The following MCC variants were observed in gnomAD, a reference collection of about 807,000 sequenced individuals.
The protein encoded by MCC is MCC regulator of Wnt signaling pathway.
MCC carries 90 observed loss-of-function variants against 116.2 expected under a neutral mutation model. The observed-to-expected ratio is 0.77, with a 90% CI of 0.65 to 0.92. The LOEUF is 0.92. Ranked by LOEUF, MCC falls within the 40% of genes least tolerant of loss-of-function variation. The pLI is 0.00. For missense variants in MCC, 1,516 were observed against 1,312.2 expected (o/e 1.16, Z -2.40); for synonymous variants, 578 against 510.5 (o/e 1.13, Z -1.78).
Position 113,196,691 on chromosome 5 carries a change from T to A in MCC, c.628-45269A>T, listed in dbSNP as rs550680986. On this transcript the variant is annotated intron_variant, in intron 3 of 18. Coordinates refer to ENST00000408903, the MANE Select transcript of MCC (RefSeq NM_001085377.2). ...GGTGAAACCCCATCTCTATTAAAAA[T>A]ACAAAAAATTAGCCGAGCGTGGTGG... 7.5e-3 allele frequency among the ~76,000 whole-genome samples: 1,139 copies of A among 152,090 alleles called. 18 individuals are homozygous for A. Among genetic ancestry groups the A allele is most frequent in the African/African-American group, 0.024 (1,005 of 41,476 alleles).
chr5:113,178,087 G>C (rs1048576918), intron 3 of MCC, among the ~76,000 whole-genome samples: 1 of 152,224 alleles, frequency 6.6e-6, no homozygotes, highest in African/African-American at 2.4e-5. Context: ...TTGCAAATCA[G>C]AACACATGCA....
At chr5:113,267,902 T>C (rs569384103) in intron 3 of MCC, among the ~76,000 whole-genome samples, 38 of 152,354 alleles carry the variant, frequency 2.5e-4, no homozygotes, top group African/African-American at 8.2e-4. Flanking sequence ...TGTATTTATA[T>C]GTCTTATAAA....
chr5:113,231,602 C>T (rs1362080441), intron 3 of MCC, among the ~76,000 whole-genome samples: 2 of 152,114 alleles, frequency 1.3e-5, no homozygotes, highest in African/African-American at 4.8e-5. Context: ...CTCATTAATC[C>T]TCTTTCCCCC....
At chr5:113,224,493 C>A (rs1485049777) in intron 3 of MCC, among the ~76,000 whole-genome samples, 1 of 152,206 alleles carries the variant, frequency 6.6e-6, no homozygotes, top group Non-Finnish European at 1.5e-5. Context: ...CTGTTTTCCT[C>A]ACAGGAACTG....
chr5:113,140,963 C>G (rs1240454379), intron 5 of MCC, among the ~76,000 whole-genome samples: 1 of 152,142 alleles, frequency 6.6e-6, no homozygotes, highest in African/African-American at 2.4e-5. Context: ...AATGTTAAAG[C>G]GTTGTTTCTA....
rs4397122 is a variant in MCC at position 113,088,296 on chromosome 5, T to C, written c.1399-2986A>G. On this transcript the variant is annotated intron_variant, in intron 8 of 18. Coordinates refer to ENST00000408903, the MANE Select transcript of MCC (RefSeq NM_001085377.2). ...ATTTACAGGAATAAATGCAAGAAAC[T>C]AAGGCTAAAGCCAATATGCTGAGTC... is the stretch of plus-strand genomic sequence containing the variant. Among the ~76,000 whole-genome samples the C allele has an allele frequency of 7.7e-3, 1,165 of 152,054 alleles. 16 individuals are homozygous for C. Among genetic ancestry groups the C allele is most frequent in the African/African-American group, 0.027 (1,101 of 41,462 alleles).
At chr5:113,080,080 A>G (rs1435832910) in intron 11 of MCC, among the ~76,000 whole-genome samples, 4 of 152,396 alleles carry the variant, frequency 2.6e-5, no homozygotes, top group African/African-American at 9.6e-5. Context: ...CATCAGAGAA[A>G]TGCAAATCAA....
chr5:113,129,794 C>G (rs1450438365), intron 5 of MCC, among the ~76,000 whole-genome samples: 2 of 152,230 alleles, frequency 1.3e-5, no homozygotes, highest in African/African-American at 4.8e-5. Flanking sequence ...GATACTATCT[C>G]ACACCAGTTA....
chr5:113,228,282 A>C (rs1763819310), intron 3 of MCC, among the ~76,000 whole-genome samples: 1 of 152,074 alleles, frequency 6.6e-6, no homozygotes, highest in Admixed American at 6.6e-5. Flanking sequence ...GTCCTGAGGG[A>C]CCCATGCTGT....
rs142081207 is a variant in MCC, at chr5:113,297,697, C to T, written c.627+42822G>A. Among the ~76,000 whole-genome samples the T allele has an allele frequency of 2.3e-4, 31 of 132,408 alleles. No individual in the cohort carries two copies. The South Asian group carries it at 4.1e-3, about 17-fold the overall frequency. The allele number at this position is 132,408 out of a possible 152,430, so 86.9% of individuals were successfully genotyped here. A position where few individuals can be genotyped will look rare whatever the true frequency, so the allele number is the denominator to read the frequency against. ...GAACCAGGAGGCAGATGTTGCAGTG[C>T]GTCAAGATCGTGCCACTGCACTCCA... On this transcript the variant is annotated intron_variant, in intron 3 of 18. Coordinates refer to ENST00000408903, the MANE Select transcript of MCC (RefSeq NM_001085377.2).
At chr5:113,092,857 G>A (rs1202947113) in intron 8 of MCC, among the ~76,000 whole-genome samples, 1 of 152,198 alleles carries the variant, frequency 6.6e-6, no homozygotes, top group Non-Finnish European at 1.5e-5. Context: ...CTGGACATGT[G>A]ATCCTGAGTA....
At chr5:113,270,154 G>A (rs1765558402) in intron 3 of MCC, among the ~76,000 whole-genome samples, 1 of 152,148 alleles carries the variant, frequency 6.6e-6, no homozygotes, top group African/African-American at 2.4e-5. Context: ...TTTGGACTAG[G>A]AAAAATGTTT....
intron 3 of MCC, among the ~76,000 whole-genome samples, chr5:113,327,561 A>AATATATATATAT (rs869214073): frequency 2.1e-4 from 17 of 80,558 alleles, no homozygotes; most frequent in African/African-American, 4.0e-4. Flanking sequence ...AAAAAAAAAA[A>AATATATATATAT]ATATATATAT....
At chr5:113,401,305 T>C (rs1318980000) in intron 1 of MCC, among the ~76,000 whole-genome samples, 1 of 152,216 alleles carries the variant, frequency 6.6e-6, no homozygotes, top group African/African-American at 2.4e-5. Context: ...CTGTGAATGA[T>C]AAACTTACAA....
intron 1 of MCC, among the ~76,000 whole-genome samples, chr5:113,414,143 G>T (rs1347199345): frequency 6.6e-6 from 1 of 152,188 alleles, no homozygotes. Context: ...GAGACAGTTT[G>T]TTGTGATTTC....
intron 8 of MCC, chr5:113,101,412 T>G: frequency 4.2e-6 from 1 of 240,808 alleles, no homozygotes; most frequent in Non-Finnish European, 8.0e-6. Context: ...CTAAAGACTA[T>G]TAGTTTATCC....
At chr5:113,271,886 CAAT>C (rs1418046730) in intron 3 of MCC, among the ~76,000 whole-genome samples, 6 of 152,142 alleles carry the variant, frequency 3.9e-5, no homozygotes, top group Non-Finnish European at 7.4e-5. Flanking sequence ...ACTTCTACAA[CAAT>C]GAGCCAAATA....
intron 3 of MCC, among the ~76,000 whole-genome samples, chr5:113,227,268 T>A (rs1763775141): frequency 6.6e-6 from 1 of 152,192 alleles, no homozygotes; most frequent in Non-Finnish European, 1.5e-5. Flanking sequence ...ATCAATGGTA[T>A]CCCAACACCA....
chr5:113,203,061 C>T (rs1762753635), intron 3 of MCC, among the ~76,000 whole-genome samples: 1 of 152,184 alleles, frequency 6.6e-6, no homozygotes, highest in African/African-American at 2.4e-5. Flanking sequence ...CTCCCCTTCC[C>T]ATTTGTAGAG....
Sources: gnomAD v4.1 joint callset for allele counts (sites outside exome capture counted in the v4.1 genomes callset) on GRCh38, gnomAD v4.1.1 for gene constraint, MANE v1.5 for transcripts, NCBI Gene and HGNC (gene_info 2026-07-23, HGNC 2026-07-21) for gene names.